HYCC2: variants seen among roughly 807,000 people sequenced by gnomAD.
The protein encoded by HYCC2 is hyccin PI4KA lipid kinase complex subunit 2.
chr2:200,998,246 A>G, the HYCC2 span, among the ~76,000 whole-genome samples: 1 of 152,204 alleles, frequency 6.6e-6, no homozygotes, highest in Non-Finnish European at 1.5e-5. Flanking sequence ...ACCACACTTT[A>G]TCAATCTTCT....
the HYCC2 span, chr2:201,017,095 G>A: frequency 6.2e-7 from 1 of 1,614,000 alleles, no homozygotes; most frequent in Non-Finnish European, 8.5e-7. Flanking sequence ...GGCAAGAACT[G>A]CAGTGTGAAC....
chr2:201,031,952 CATTTTATTTT>C, the HYCC2 span, among the ~76,000 whole-genome samples: 1 of 151,966 alleles, frequency 6.6e-6, no homozygotes, highest in African/African-American at 2.4e-5. Flanking sequence ...TATTTACTAC[CATTTTATTTT>C]ATTTTATTTT....
the HYCC2 span, chr2:201,063,745 A>G: frequency 6.3e-7 from 1 of 1,587,296 alleles, no homozygotes; most frequent in Non-Finnish European, 8.5e-7. Context: ...TTGGTCATGG[A>G]AGAAACTTCA....
chr2:201,029,936 A>T, the HYCC2 span, among the ~76,000 whole-genome samples: 1 of 152,168 alleles, frequency 6.6e-6, no homozygotes. Flanking sequence ...TATAAAAAAA[A>T]ATTAGCTGGA....
At chr2:200,987,940 C>G in the HYCC2 span, among the ~76,000 whole-genome samples, 1 of 152,060 alleles carries the variant, frequency 6.6e-6, no homozygotes, top group Admixed American at 6.6e-5. Flanking sequence ...TCCCACAGTG[C>G]TCATATGTGC....
the HYCC2 span, among the ~76,000 whole-genome samples, chr2:201,003,071 C>G: frequency 6.6e-6 from 1 of 151,988 alleles, no homozygotes; most frequent in South Asian, 2.1e-4. Flanking sequence ...GAAAGAAATA[C>G]AAAATTTTTT....
the HYCC2 span, among the ~76,000 whole-genome samples, chr2:200,986,873 T>C: frequency 6.6e-6 from 1 of 152,192 alleles, no homozygotes; most frequent in African/African-American, 2.4e-5. Context: ...ACCATAGAAT[T>C]ACAGATAAAT....
chr2:201,025,086 C>G, the HYCC2 span, among the ~76,000 whole-genome samples: 7 of 152,198 alleles, frequency 4.6e-5, no homozygotes, highest in African/African-American at 1.7e-4. Context: ...GCACTCTAGC[C>G]TAGGCAACAG....
chr2:201,052,619 A>AAAAG, the HYCC2 span, among the ~76,000 whole-genome samples: 1 of 152,156 alleles, frequency 6.6e-6, no homozygotes, highest in African/African-American at 2.4e-5. Context: ...AGAAAAAGAA[A>AAAAG]AAAGAAAGAA....
chr2:201,061,675 A>T, the HYCC2 span, among the ~76,000 whole-genome samples: 1 of 151,528 alleles, frequency 6.6e-6, no homozygotes, highest in Non-Finnish European at 1.5e-5. Context: ...TAAATTTTTA[A>T]ATTTAAAATT....
At chr2:201,004,971 C>T in the HYCC2 span, among the ~76,000 whole-genome samples, 1 of 141,048 alleles carries the variant, frequency 7.1e-6, no homozygotes, top group Non-Finnish European at 1.5e-5. Flanking sequence ...GAGCCGAGAT[C>T]GTGCCACTGC....
chr2:201,000,819 G>A, the HYCC2 span, among the ~76,000 whole-genome samples: 1 of 151,552 alleles, frequency 6.6e-6, no homozygotes, highest in Admixed American at 6.6e-5. Flanking sequence ...CTTAATCATC[G>A]ATATGGTGGT....
the HYCC2 span, among the ~76,000 whole-genome samples, chr2:201,011,784 T>C: frequency 6.6e-6 from 1 of 152,154 alleles, no homozygotes. Flanking sequence ...TAAATTTACA[T>C]ACAGGATGGG....
At chr2:201,068,122 T>TA in the HYCC2 span, among the ~76,000 whole-genome samples, 4 of 151,410 alleles carry the variant, frequency 2.6e-5, no homozygotes, top group Non-Finnish European at 4.4e-5. Flanking sequence ...CCGTCTCTAC[T>TA]AAAAAAAATG....
chr2:200,979,573 G>A, the HYCC2 span: 2 of 151,234 alleles, frequency 1.3e-5, no homozygotes, highest in African/African-American at 4.9e-5. Context: ...AAAATCTATT[G>A]TAATTTTAAT....
chr2:201,069,825 T>C, the HYCC2 span, among the ~76,000 whole-genome samples: 1 of 152,192 alleles, frequency 6.6e-6, no homozygotes, highest in Non-Finnish European at 1.5e-5. Flanking sequence ...ACAACTTTAA[T>C]GATGCACCTC....
the HYCC2 span, among the ~76,000 whole-genome samples, chr2:201,031,630 G>A: frequency 2.6e-5 from 4 of 152,084 alleles, no homozygotes; most frequent in Non-Finnish European, 4.4e-5. Context: ...TAGCGTGGGC[G>A]ACAAGCAAAA....
the HYCC2 span, among the ~76,000 whole-genome samples, chr2:201,033,116 TA>T: frequency 6.7e-6 from 1 of 150,276 alleles, no homozygotes; most frequent in Admixed American, 6.6e-5. Context: ...CTAAAGAACA[TA>T]AACTGCCTTT....
chr2:201,042,609 G>A, the HYCC2 span, among the ~76,000 whole-genome samples: 44 of 149,004 alleles, frequency 3.0e-4, no homozygotes, highest in African/African-American at 1.0e-3. Context: ...CCCAGCAGCC[G>A]CCCCGTCTGG....
Sources: gnomAD v4.1 joint callset for allele counts (sites outside exome capture counted in the v4.1 genomes callset) on GRCh38, gnomAD v4.1.1 for gene constraint, MANE v1.5 for transcripts, NCBI Gene and HGNC (gene_info 2026-07-23, HGNC 2026-07-21) for gene names.